Variants in PRKN observed in about 807,000 individuals in gnomAD.
PRKN encodes E3 ubiquitin-protein ligase parkin.
PRKN carries 56 observed loss-of-function variants against 59.5 expected under a neutral mutation model. That is an observed-to-expected ratio of 0.94 (90% confidence interval 0.76 to 1.18). PRKN has a LOEUF of 1.18. PRKN is among the 50% of genes most tolerant of loss of function. The probability of loss-of-function intolerance (pLI) is 0.00; values close to 1 mark genes in which losing one functional copy is unlikely to be tolerated. For synonymous variants in PRKN, 250 were observed against 222.1 expected, an observed-to-expected ratio of 1.13 and a Z score of -1.12; for missense variants, 657 against 596.4, an observed-to-expected ratio of 1.10 and a Z score of -1.06.
intron 7 of PRKN, among the ~76,000 whole-genome samples, chr6:161,690,114 ACAC>A (rs1402799530): frequency 6.6e-6 from 1 of 152,186 alleles, no homozygotes; most frequent in Non-Finnish European, 1.5e-5. Context: ...ACCAGTGATT[ACAC>A]TGTAAGGTGG....
intron 7 of PRKN, among the ~76,000 whole-genome samples, chr6:161,622,317 G>A (rs186657722): frequency 3.0e-4 from 45 of 152,280 alleles, no homozygotes; most frequent in African/African-American, 8.7e-4. Context: ...TCCTGGGCAC[G>A]CAGGTCTGCC....
Position 162,569,602 on chromosome 6 carries a change from C to T in PRKN, c.8-126129G>A, listed in dbSNP as rs1046921684. On this transcript the variant is annotated intron_variant, in intron 1 of 11. Transcript: ENST00000366898. ...GCCTCAGCTATGGCCTGGGCTCCAGCTTTGGCTCTGACATGGGCTCCAGCT... is the reference window on the plus strand; with the variant it reads ...GCCTCAGCTATGGCCTGGGCTCCAGTTTTGGCTCTGACATGGGCTCCAGCT... The T allele has an allele frequency of 4.2e-6, 3 of 715,070 alleles. No homozygotes were observed. In the African/African-American group the frequency reaches 5.2e-5, roughly 12 times the overall value. The allele number at this position is 715,070 out of a possible 1,614,324, so 44.3% of individuals were successfully genotyped here.
chr6:161,350,616 A>ATATAAATATATTTT (rs1226638419), intron 11 of PRKN, among the ~76,000 whole-genome samples: 1 of 118,342 alleles, frequency 8.5e-6, no homozygotes, highest in Non-Finnish European at 1.6e-5. Context: ...TATTTAAAAT[A>ATATAAATATATTTT]TATATATTTT....
chr6:162,403,913 T>C (rs1050947441), intron 2 of PRKN, among the ~76,000 whole-genome samples: 1 of 152,320 alleles, frequency 6.6e-6, no homozygotes, highest in African/African-American at 2.4e-5. Context: ...CTCTTTCTCC[T>C]CTATCCATAA....
chr6:162,032,873 G>A (rs1384933121), intron 5 of PRKN, among the ~76,000 whole-genome samples: 9 of 152,084 alleles, frequency 5.9e-5, no homozygotes, highest in Non-Finnish European at 7.4e-5. Flanking sequence ...GCAATCCAAC[G>A]AGAGATAAAT....
intron 7 of PRKN, among the ~76,000 whole-genome samples, chr6:161,761,885 A>G (rs1292783053): frequency 1.3e-5 from 2 of 152,248 alleles, no homozygotes; most frequent in South Asian, 2.1e-4. Context: ...AACAATTTGT[A>G]TCTGGTAATT....
rs367780389 is a variant in PRKN, at chr6:162,240,761, A to C, written c.412+21764T>G. 4.1e-4 allele frequency among the ~76,000 whole-genome samples: 63 copies of C among 152,320 alleles called. 1 individual carries two copies. The highest frequency in any genetic ancestry group is 1.8e-3 in the Admixed American group (27 of 15,304). On this transcript the variant is annotated intron_variant, in intron 3 of 11. Coordinates refer to ENST00000366898, the MANE Select transcript of PRKN (RefSeq NM_004562.3). ...AAAGCATTAGGGTGAACCCATTAAAACTGAGAAAAGAGAGGGAAATAAATC... is the reference window on the plus strand; with the variant it reads ...AAAGCATTAGGGTGAACCCATTAAACCTGAGAAAAGAGAGGGAAATAAATC...
At chr6:162,675,253 T>C (rs1779496788) in intron 1 of PRKN, among the ~76,000 whole-genome samples, 1 of 152,032 alleles carries the variant, frequency 6.6e-6, no homozygotes, top group South Asian at 2.1e-4. Flanking sequence ...TTTCACAACG[T>C]TGGCCAGAAT....
At chr6:162,001,881 G>T (rs9355972) in intron 5 of PRKN, among the ~76,000 whole-genome samples, 1 of 144,606 alleles carries the variant, frequency 6.9e-6, no homozygotes, top group Non-Finnish European at 1.5e-5. Context: ...TCATGAATGG[G>T]TGTTTGATTT....
chr6:162,100,619 T>C (rs144593469), intron 4 of PRKN, among the ~76,000 whole-genome samples: 161 of 152,188 alleles, frequency 1.1e-3, no homozygotes, highest in Non-Finnish European at 2.1e-3. Context: ...CTTTTGTATT[T>C]TTAGTACAGA....
At chr6:162,137,786 C>G (rs1781609210) in intron 4 of PRKN, among the ~76,000 whole-genome samples, 1 of 152,168 alleles carries the variant, frequency 6.6e-6, no homozygotes, top group Non-Finnish European at 1.5e-5. Context: ...GGGCAGAGCC[C>G]CGATGGCTTA....
chr6:161,773,379 A>G (rs141761257), intron 7 of PRKN, among the ~76,000 whole-genome samples: 1 of 152,338 alleles, frequency 6.6e-6, no homozygotes, highest in East Asian at 1.9e-4. Context: ...ACATTCAAAA[A>G]TTGTGCCAAC....
intron 3 of PRKN, among the ~76,000 whole-genome samples, chr6:162,203,767 T>G (rs1176446385): frequency 6.6e-6 from 1 of 152,188 alleles, no homozygotes. Context: ...TTTCACTTGT[T>G]CTTGGACCTT....
At chr6:161,743,383 C>T (rs1359123784) in intron 7 of PRKN, among the ~76,000 whole-genome samples, 2 of 110,392 alleles carry the variant, frequency 1.8e-5, no homozygotes, top group African/African-American at 7.1e-5. Flanking sequence ...CCACATCCAG[C>T]TTTTTTATTT....
chr6:162,527,480 A>T (rs1778334183), intron 1 of PRKN, among the ~76,000 whole-genome samples: 1 of 152,214 alleles, frequency 6.6e-6, no homozygotes, highest in South Asian at 2.1e-4. Flanking sequence ...CTGGGAATAT[A>T]AATCTCTGGT....
intron 7 of PRKN, among the ~76,000 whole-genome samples, chr6:161,759,715 C>CCATTGTCTGG (rs1295619182): frequency 6.6e-6 from 1 of 152,176 alleles, no homozygotes; most frequent in Non-Finnish European, 1.5e-5. Context: ...CGCAGTTTTC[C>CCATTGTCTGG]CATTGTCTGG....
At chr6:162,696,942 AT>A in intron 1 of PRKN, among the ~76,000 whole-genome samples, 1 of 152,312 alleles carries the variant, frequency 6.6e-6, no homozygotes, top group African/African-American at 2.4e-5. Context: ...AAGTAAAGTT[AT>A]TTTTAAGCAT....
intron 6 of PRKN, among the ~76,000 whole-genome samples, chr6:161,945,246 T>G: frequency 6.6e-6 from 1 of 152,168 alleles, no homozygotes; most frequent in East Asian, 1.9e-4. Context: ...ATCTTTTGTT[T>G]GTCCTGGCAA....
chr6:161,501,959 C>T (rs1300808485), intron 9 of PRKN, among the ~76,000 whole-genome samples: 8 of 152,148 alleles, frequency 5.3e-5, no homozygotes. Context: ...AGATATAACA[C>T]TACGTTTCTA....
Sources: gnomAD v4.1 joint callset for allele counts (sites outside exome capture counted in the v4.1 genomes callset) on GRCh38, gnomAD v4.1.1 for gene constraint, MANE v1.5 for transcripts, NCBI Gene and HGNC (gene_info 2026-07-23, HGNC 2026-07-21) for gene names.